WDR59: variants seen among roughly 807,000 people sequenced by gnomAD.
The protein encoded by WDR59 is WD repeat domain 59.
WDR59 carries 100 observed loss-of-function variants against 131.2 expected under a neutral mutation model. The observed-to-expected ratio is 0.76, with a 90% CI of 0.65 to 0.90. The LOEUF (loss-of-function observed/expected upper bound fraction) is 0.90. WDR59 is among the 40% of genes least tolerant of loss of function. The pLI, the probability that WDR59 is intolerant of heterozygous loss-of-function variation, is 0.00. For missense variants in WDR59, 1,203 were observed against 1,262.2 expected, an observed-to-expected ratio of 0.95 and a Z score of 0.71; for synonymous variants, 601 against 466.2, an observed-to-expected ratio of 1.29 and a Z score of -3.72.
At position 74,968,581 on chromosome 16, in the gene WDR59, C is replaced by A. The variant is rs868091621; in HGVS notation, c.55-2759G>T. 3.3e-5 allele frequency among the ~76,000 whole-genome samples: 5 copies of A among 152,124 alleles called. 1 individual carries two copies. The highest frequency in any genetic ancestry group is 3.9e-4 in the East Asian group (2 of 5,164). On this transcript the variant is annotated intron_variant, in intron 1 of 25. Transcript: ENST00000262144. Reference sequence around the variant, plus strand: ...ACTAAATATACAAAAATCAGCCAGGCGTGGTGGCATGCATCTGCAGTCCCA... The same window carrying A: ...ACTAAATATACAAAAATCAGCCAGGAGTGGTGGCATGCATCTGCAGTCCCA...
chr16:74,872,635 T>C lies in WDR59; in HGVS notation c.*1574A>G, dbSNP rs180999253. ...CTGAAGAATTGGTGGACACAGATGT[T>C]ATAACTACTCAGAACACAGGCAAAC... On this transcript the variant is annotated 3_prime_UTR_variant, in exon 26 of 26. Coordinates refer to ENST00000262144, the MANE Select transcript of WDR59 (RefSeq NM_030581.4). 2.6e-5 allele frequency: 4 copies of C among 151,932 alleles called. No individual in the cohort carries two copies. The East Asian group carries it at 7.7e-4, about 29-fold the overall frequency. The allele number at this position is 151,932 out of a possible 1,614,324, so 9.4% of individuals were successfully genotyped here.
At chr16:74,967,253 C>A (rs2033811300) in intron 1 of WDR59, among the ~76,000 whole-genome samples, 1 of 152,180 alleles carries the variant, frequency 6.6e-6, no homozygotes, top group South Asian at 2.1e-4. Context: ...TTCAGTGCAC[C>A]AGAGTCAGGA....
chr16:74,899,015 T>C (rs1965422552), intron 18 of WDR59, among the ~76,000 whole-genome samples: 1 of 152,156 alleles, frequency 6.6e-6, no homozygotes, highest in African/African-American at 2.4e-5. Flanking sequence ...ATACAAAGCC[T>C]CACGGCTGCC....
At chr16:74,914,111 C>G (rs1475954857) in intron 13 of WDR59, among the ~76,000 whole-genome samples, 6 of 152,088 alleles carry the variant, frequency 3.9e-5, no homozygotes, top group Non-Finnish European at 7.4e-5. Context: ...ATCTGGGAAG[C>G]TGAGGCAGGA....
intron 8 of WDR59, among the ~76,000 whole-genome samples, chr16:74,925,971 C>T (rs1286722199): frequency 7.0e-6 from 1 of 142,450 alleles, no homozygotes; most frequent in African/African-American, 2.7e-5. Context: ...GGCAACAGAG[C>T]ACGATCCTGT....
intron 25 of WDR59, among the ~76,000 whole-genome samples, chr16:74,876,954 A>G (rs894594775): frequency 6.6e-6 from 1 of 152,032 alleles, no homozygotes; most frequent in African/African-American, 2.4e-5. Context: ...CCGGTCGCTA[A>G]TGGTTCCAGG....
Position 74,984,966 on chromosome 16 carries a change from G to T in WDR59, c.52C>A (p.Gln18Lys), listed in dbSNP as rs1165127766. The T allele has an allele frequency of 6.2e-7, 1 of 1,603,960 alleles. No individual in the cohort carries two copies. Among genetic ancestry groups the T allele is most frequent in the Non-Finnish European group, 8.5e-7 (1 of 1,175,550 alleles). Residue 18 changes from glutamine to lysine, a missense_variant and splice_region_variant, in exon 1 of 26, where the codon CAG becomes AAG. By Grantham distance (53) the Gln-to-Lys change is moderately conservative. Coordinates refer to ENST00000262144, the MANE Select transcript of WDR59 (RefSeq NM_030581.4). ...GCTCCACTCGGCCTCTAGCTCACCTGGGAGTCACGGAACTCTACAACCACG... is the reference window on the plus strand; with the variant it reads ...GCTCCACTCGGCCTCTAGCTCACCTTGGAGTCACGGAACTCTACAACCACG... ...ENVVVEFRDS[Q>K]ATAMSVDCLG...
intron 8 of WDR59, among the ~76,000 whole-genome samples, chr16:74,929,449 C>T (rs1007287522): frequency 6.6e-6 from 1 of 152,186 alleles, no homozygotes; most frequent in Non-Finnish European, 1.5e-5. Flanking sequence ...CACTGATCAT[C>T]AGAGAAATGC....
At chr16:74,874,507 C>G in intron 25 of WDR59, 63 bp from the exon 26 acceptor site, 3 of 1,444,974 alleles carry the variant, frequency 2.1e-6, no homozygotes, top group South Asian at 1.2e-5. Flanking sequence ...AAAAAGGAAA[C>G]TGGGGCTTGC....
intron 17 of WDR59, 150 bp downstream of exon 17, chr16:74,908,758 A>G: frequency 1.7e-6 from 1 of 599,554 alleles, no homozygotes; most frequent in Non-Finnish European, 2.9e-6. Flanking sequence ...AATTTAATTG[A>G]CTTCAATCTT....
chr16:74,953,964 T>C (rs2033148765), intron 3 of WDR59, among the ~76,000 whole-genome samples: 1 of 149,660 alleles, frequency 6.7e-6, no homozygotes, highest in East Asian at 2.0e-4. Context: ...ATAGCACTAC[T>C]GCACTCCAGC....
At chr16:74,885,952 G>A (rs2144793234) in intron 24 of WDR59, 157 bp from the exon 25 acceptor site, 1 of 895,432 alleles carries the variant, frequency 1.1e-6, no homozygotes, top group South Asian at 1.8e-5. Flanking sequence ...TGAGGCGGGT[G>A]GATCACTTGA....
chr16:74,981,260 C>G (rs968859100), intron 1 of WDR59, among the ~76,000 whole-genome samples: 25 of 151,344 alleles, frequency 1.7e-4, no homozygotes, highest in Admixed American at 4.0e-4. Flanking sequence ...CCTGTAGTCC[C>G]AGCTACTTGG....
At chr16:74,929,779 T>G (rs529205624) in intron 8 of WDR59, among the ~76,000 whole-genome samples, 1 of 152,310 alleles carries the variant, frequency 6.6e-6, no homozygotes, top group East Asian at 1.9e-4. Context: ...AGAAGCAACC[T>G]AAATGTTCAT....
intron 7 of WDR59, among the ~76,000 whole-genome samples, 186 bp from the exon 8 acceptor site, chr16:74,938,452 G>A (rs1056855668): frequency 9.2e-5 from 14 of 152,104 alleles, no homozygotes; most frequent in Non-Finnish European, 1.9e-4. Context: ...CTTATCCAAC[G>A]CTCCTTCACA....
At chr16:74,889,239 T>C (rs1241093513) in intron 21 of WDR59, among the ~76,000 whole-genome samples, 1 of 152,222 alleles carries the variant, frequency 6.6e-6, no homozygotes, top group Non-Finnish European at 1.5e-5. Flanking sequence ...TAGTTTTCCA[T>C]ATGTCAGTGC....
chr16:74,941,875 C>G (rs560482815), intron 7 of WDR59, among the ~76,000 whole-genome samples: 1 of 152,088 alleles, frequency 6.6e-6, no homozygotes, highest in Admixed American at 6.6e-5. Context: ...CTCTTCCAAA[C>G]GTATGGAGGG....
At chr16:74,948,798 C>T (rs2032809380) in intron 5 of WDR59, among the ~76,000 whole-genome samples, 1 of 152,038 alleles carries the variant, frequency 6.6e-6, no homozygotes, top group South Asian at 2.1e-4. Context: ...GGTCAGAGTT[C>T]GAGACCAGCC....
intron 25 of WDR59, among the ~76,000 whole-genome samples, chr16:74,875,198 T>C (rs1431908216): frequency 6.6e-6 from 1 of 152,158 alleles, no homozygotes; most frequent in Admixed American, 6.5e-5. Context: ...GGGATGCCGC[T>C]CCACCGCCGG....
Sources: allele counts gnomAD v4.1 joint callset (sites outside exome capture counted in the v4.1 genomes callset), GRCh38; gene constraint gnomAD v4.1.1; transcripts MANE v1.5; gene names NCBI Gene and HGNC (gene_info 2026-07-23, HGNC 2026-07-21).